DPH6: variants seen among roughly 807,000 people sequenced by gnomAD.
The protein encoded by DPH6 is diphthamine biosynthesis 6, also known as diphthine--ammonia ligase.
A neutral mutation model predicts 38.2 loss-of-function variants in DPH6; 33 were observed. The observed-to-expected ratio is 0.86, with a 90% CI of 0.65 to 1.15. The LOEUF is 1.15. Among genes scored for constraint, DPH6 ranks in the 50% most tolerant of loss-of-function variants. The pLI is 0.00. For missense variants in DPH6, 325 were observed against 320.0 expected, an observed-to-expected ratio of 1.02 and a Z score of -0.12; for synonymous variants, 108 against 103.0, an observed-to-expected ratio of 1.05 and a Z score of -0.30.
At chr15:35,192,111 A>G in the DPH6 span, among the ~76,000 whole-genome samples, 1 of 152,196 alleles carries the variant, frequency 6.6e-6, no homozygotes, top group Admixed American at 6.5e-5. Context: ...TCATTTACAT[A>G]ATTGATGTAT....
intron 3 of DPH6, among the ~76,000 whole-genome samples, chr15:35,236,540 G>C (rs1002474967): frequency 6.6e-6 from 1 of 151,940 alleles, no homozygotes; most frequent in Admixed American, 6.6e-5. Flanking sequence ...TCGGGAGGCT[G>C]AGGCAGGAGA....
chr15:35,434,893 C>T (rs12900994), intron 5 of DPH6, among the ~76,000 whole-genome samples: 56,977 of 151,754 alleles, frequency 0.38, 13,376 homozygotes, highest in Non-Finnish European at 0.52. Context: ...CCAACTGCAG[C>T]CTCCCAGATA....
At chr15:35,231,465 A>G (rs958508236) in intron 3 of DPH6, among the ~76,000 whole-genome samples, 9 of 152,226 alleles carry the variant, frequency 5.9e-5, no homozygotes, top group Admixed American at 1.3e-4. Flanking sequence ...AGTTAAAACC[A>G]GGTACTGTGA....
At chr15:35,234,589 A>G (rs1437955411) in intron 3 of DPH6, among the ~76,000 whole-genome samples, 6 of 152,242 alleles carry the variant, frequency 3.9e-5, no homozygotes, top group Admixed American at 3.9e-4. Context: ...AACAACACCC[A>G]AACTATGACA....
At chr15:35,215,614 C>T (rs117238873), downstream of DPH6, among the ~76,000 whole-genome samples, 2,764 of 152,228 alleles carry the variant, frequency 0.018, 49 homozygotes, top group Non-Finnish European at 0.026. Context: ...GTCTTAAACT[C>T]CTGGCTTCAA....
rs114243978 is a variant in DPH6, at chr15:35,316,953, A to T, written n.200+56568T>A. On this transcript the variant is annotated intron_variant and non_coding_transcript_variant, in intron 3 of 3. Coordinates refer to the DPH6 transcript ENST00000560386. ...AAGAGAACTGTCTTTCTAGAATTTT[A>T]TACCCAGCAAAAAACTCTCTAGGGC... Among the ~76,000 whole-genome samples the T allele has an allele frequency of 3.7e-3, 566 of 152,290 alleles. 2 individuals carry two copies. Among genetic ancestry groups the T allele is most frequent in the Middle Eastern group, 0.01 (3 of 294 alleles).
chr15:35,481,097 CAT>C (rs1249571788), intron 3 of DPH6, among the ~76,000 whole-genome samples: 3 of 152,122 alleles, frequency 2.0e-5, no homozygotes, highest in East Asian at 3.8e-4. Context: ...CTACTACCCA[CAT>C]GTGACTACTG....
chr15:35,290,244 A>C lies in DPH6; in HGVS notation n.201-69662T>G, dbSNP rs115422560. ...GCACAAATCAACATTAAGGTATTAC[A>C]AAGAAGAGACAGGAAGATCTTTAGC... On this transcript the variant is annotated intron_variant and non_coding_transcript_variant, in intron 3 of 3. Transcript: ENST00000560386. Among the ~76,000 whole-genome samples, 497 of 152,342 alleles carry C rather than the reference A, an allele frequency of 3.3e-3. 2 individuals carry two copies. Among genetic ancestry groups the C allele is most frequent in the African/African-American group, 0.011 (477 of 41,580 alleles).
At chr15:35,537,164 G>A (rs1271781691) in intron 3 of DPH6, among the ~76,000 whole-genome samples, 1 of 151,994 alleles carries the variant, frequency 6.6e-6, no homozygotes, top group Non-Finnish European at 1.5e-5. Flanking sequence ...CTTTTGATTT[G>A]TATGAAACTC....
chr15:35,194,369 CAGAG>C, the DPH6 span, among the ~76,000 whole-genome samples: 69 of 144,526 alleles, frequency 4.8e-4, no homozygotes, highest in African/African-American at 6.4e-4. Context: ...TTCCTTTTTC[CAGAG>C]AGAGAGAGAG....
At chr15:35,460,600 A>G (rs1206536116) in intron 3 of DPH6, among the ~76,000 whole-genome samples, 1 of 152,220 alleles carries the variant, frequency 6.6e-6, no homozygotes, top group Non-Finnish European at 1.5e-5. Flanking sequence ...AATGTCATTA[A>G]ACATTTATAT....
At chr15:35,520,490 A>G (rs2054908833) in intron 3 of DPH6, 1 of 984,194 alleles carries the variant, frequency 1.0e-6, no homozygotes, top group Non-Finnish European at 1.2e-6. Context: ...AATTCCTGTT[A>G]CAATTCTTTG....
chr15:35,147,823 A>C, the DPH6 span, among the ~76,000 whole-genome samples: 1 of 152,236 alleles, frequency 6.6e-6, no homozygotes, highest in African/African-American at 2.4e-5. Context: ...TTAATATAGA[A>C]GAACTAGAGT....
At chr15:35,472,021 T>C (rs569273193) in intron 3 of DPH6, among the ~76,000 whole-genome samples, 30 of 152,164 alleles carry the variant, frequency 2.0e-4, no homozygotes, top group Non-Finnish European at 4.1e-4. Flanking sequence ...TTTAGCTGCG[T>C]TGTGCTACAA....
At chr15:35,490,049 C>T (rs963997369) in intron 3 of DPH6, 2 of 985,268 alleles carry the variant, frequency 2.0e-6, no homozygotes, top group African/African-American at 3.5e-5. Flanking sequence ...CCCAAGGCTA[C>T]AAGACTATTT....
chr15:35,433,672 T>G (rs1334584328), intron 5 of DPH6, among the ~76,000 whole-genome samples: 1 of 152,214 alleles, frequency 6.6e-6, no homozygotes, highest in African/African-American at 2.4e-5. Flanking sequence ...TGAATCAGAT[T>G]TCACCCTAGT....
chr15:35,406,674 T>C (rs2053298084), intron 6 of DPH6, among the ~76,000 whole-genome samples: 2 of 152,150 alleles, frequency 1.3e-5, no homozygotes, highest in Admixed American at 6.6e-5. Flanking sequence ...TTCATTTTTT[T>C]GGCTTGAACA....
intron 3 of DPH6, among the ~76,000 whole-genome samples, chr15:35,350,122 T>G (rs1386259115): frequency 1.3e-5 from 2 of 152,180 alleles, no homozygotes; most frequent in Admixed American, 6.5e-5. Context: ...TTACGTCTCC[T>G]TACTCGTTAT....
chr15:35,386,803 C>G (rs891884989), intron 6 of DPH6, among the ~76,000 whole-genome samples: 1 of 152,126 alleles, frequency 6.6e-6, no homozygotes, highest in African/African-American at 2.4e-5. Flanking sequence ...CCTGTTCACA[C>G]TGATGGTGGT....
Sources: allele counts gnomAD v4.1 joint callset (sites outside exome capture counted in the v4.1 genomes callset), GRCh38; gene constraint gnomAD v4.1.1; transcripts MANE v1.5; gene names NCBI Gene and HGNC (gene_info 2026-07-23, HGNC 2026-07-21).